PARL: variants seen among roughly 807,000 people sequenced by gnomAD.
PARL encodes the protein presenilin associated rhomboid like, also known as presenilin-associated rhomboid-like protein, mitochondrial.
PARL carries 44 observed loss-of-function variants against 51.6 expected under a neutral mutation model. That is an observed-to-expected ratio of 0.85 (90% CI 0.67 to 1.10). The LOEUF is 1.10. Among genes scored for constraint, PARL ranks in the 50% least tolerant of loss-of-function variants. PARL has a pLI of 0.00. For synonymous variants in PARL, 172 were observed against 164.0 expected (o/e 1.05, Z -0.37); for missense variants, 441 against 469.5 (o/e 0.94, Z 0.56).
intron 9 of PARL, 145 bp downstream of exon 9, chr3:183,833,347 C>A: frequency 1.4e-6 from 1 of 700,644 alleles, no homozygotes; most frequent in Non-Finnish European, 2.6e-6. Flanking sequence ...TTGAGGTTTC[C>A]TCACCCTCCC....
Position 183,854,693 on chromosome 3 carries a change from C to T in PARL, c.511+8060G>A, listed in dbSNP as rs560345616. On this transcript the variant is annotated intron_variant, in intron 4 of 9. Coordinates refer to ENST00000317096, the MANE Select transcript of PARL (RefSeq NM_018622.7). ...TGTGAATATACTGAACTCTACTGAA[C>T]TATATGCTTAAAAATGATTAAGATG... 2.7e-5 allele frequency among the ~76,000 whole-genome samples: 4 copies of T among 145,526 alleles called. No individual in the cohort carries two copies. In the East Asian group the frequency reaches 8.0e-4, roughly 29 times the overall value.
At chr3:183,836,210 T>G (rs916973624) in intron 7 of PARL, among the ~76,000 whole-genome samples, 2 of 65,358 alleles carry the variant, frequency 3.1e-5, no homozygotes, top group Non-Finnish European at 5.1e-5. Context: ...AGAACGAAAC[T>G]CCATCTCAAA....
downstream of PARL, among the ~76,000 whole-genome samples, chr3:183,826,992 C>A (rs1187633207): frequency 6.6e-6 from 1 of 152,096 alleles, no homozygotes; most frequent in African/African-American, 2.4e-5. Context: ...ATTGAACTGA[C>A]AAGGCCAGGT....
chr3:183,869,998 C>A (rs1217644019), intron 1 of PARL, among the ~76,000 whole-genome samples: 1 of 151,708 alleles, frequency 6.6e-6, no homozygotes, highest in Non-Finnish European at 1.5e-5. Context: ...AGGCTGGGGG[C>A]CGGGCACAGT....
At chr3:183,826,707 C>T (rs149990913), downstream of PARL, 309 of 985,312 alleles carry the variant, frequency 3.1e-4, 4 homozygotes, top group East Asian at 0.024. Context: ...AGGCAGCAGG[C>T]GAGGCGCCAG....
chr3:183,882,629 AT>A (rs1000218406), intron 1 of PARL, among the ~76,000 whole-genome samples: 8 of 151,908 alleles, frequency 5.3e-5, no homozygotes, highest in African/African-American at 7.3e-5. Context: ...CCCAAATAAG[AT>A]TTTTTTCCCC....
At position 183,829,582 on chromosome 3, in the gene PARL, C is replaced by T; in HGVS notation, c.*16G>A. The stretch of plus-strand genomic sequence containing the variant: ...GCGGCAAGGACCAGATGCACCACTA[C>T]TGTCCAATCCCAGTTTTACTTAGAG... On this transcript the variant is annotated 3_prime_UTR_variant, in exon 10 of 10. Coordinates refer to ENST00000317096, the MANE Select transcript of PARL (RefSeq NM_018622.7). The T allele has an allele frequency of 6.2e-7, 1 of 1,614,250 alleles. No homozygotes were observed. Among genetic ancestry groups the T allele is most frequent in the South Asian group, 1.1e-5 (1 of 91,086 alleles).
At position 183,882,630 on chromosome 3, in the gene PARL, T is replaced by C. The variant is rs571702978; in HGVS notation, c.125+2092A>G. 2.4e-4 allele frequency among the ~76,000 whole-genome samples: 37 copies of C among 152,222 alleles called. No individual in the cohort carries two copies. The East Asian group carries it at 6.8e-3, about 28-fold the overall frequency. ...AAGTTTACAAGGAGCCCAAATAAGA[T>C]TTTTTTCCCCTTTTGTGTAAAAGGC... On this transcript the variant is annotated intron_variant, in intron 1 of 9. Coordinates refer to ENST00000317096, the MANE Select transcript of PARL (RefSeq NM_018622.7).
intron 4 of PARL, among the ~76,000 whole-genome samples, chr3:183,862,405 C>A (rs1441878453): frequency 6.6e-6 from 1 of 152,104 alleles, no homozygotes; most frequent in Non-Finnish European, 1.5e-5. Context: ...CAAGTAGGGA[C>A]AGAATGTGTA....
chr3:183,833,414 G>A, intron 9 of PARL, 78 bp downstream of exon 9: 2 of 868,424 alleles, frequency 2.3e-6, no homozygotes, highest in South Asian at 2.7e-5. Flanking sequence ...ATGGGGATGG[G>A]GGGTAGGGGT....
rs71963110 is a variant in PARL at position 183,882,245 on chromosome 3, T to TTA, written c.125+2475_125+2476dup. Among the ~76,000 whole-genome samples the TTA allele has an allele frequency of 9.8e-3, 287 of 29,302 alleles. 7 individuals are homozygous for TTA. The highest frequency in any genetic ancestry group is 0.056 in the Middle Eastern group (3 of 54). The allele number at this position is 29,302 out of a possible 152,430, so 19.2% of individuals were successfully genotyped here. ...AAAATATATATATATATATATATAT[T>TTA]TATATATATATATATATATATATTT... On this transcript the variant is annotated intron_variant, in intron 1 of 9. Transcript: ENST00000317096.
At chr3:183,834,471 T>C (rs1467107848) in intron 7 of PARL, among the ~76,000 whole-genome samples, 1 of 152,180 alleles carries the variant, frequency 6.6e-6, no homozygotes, top group Non-Finnish European at 1.5e-5. Context: ...AAAGTAATTA[T>C]ACAGAGTAAA....
At chr3:183,838,732 C>T (rs1198164841) in intron 7 of PARL, among the ~76,000 whole-genome samples, 2 of 152,196 alleles carry the variant, frequency 1.3e-5, no homozygotes, top group Non-Finnish European at 2.9e-5. Flanking sequence ...GATTCACCCC[C>T]ACTCTAACTC....
chr3:183,848,335 G>A lies in PARL; in HGVS notation c.512-4009C>T, dbSNP rs554969895. ...CCGCTCACTGAAAGCTCCGCCTCCC[G>A]GGTTCACACCATTCTCCTGCCTCAG... On this transcript the variant is annotated intron_variant, in intron 4 of 9. Transcript: ENST00000317096. 6.6e-5 allele frequency among the ~76,000 whole-genome samples: 10 copies of A among 152,228 alleles called. No homozygotes were observed. The South Asian group carries it at 1.9e-3, about 28-fold the overall frequency.
intron 1 of PARL, among the ~76,000 whole-genome samples, chr3:183,877,918 G>A (rs113474306): frequency 8.6e-5 from 13 of 152,016 alleles, no homozygotes; most frequent in African/African-American, 2.9e-4. Flanking sequence ...AGCCTCCTGA[G>A]TAGCTGGGAC....
Position 183,882,229 on chromosome 3 carries a change from ATATATATATATATATT to A in PARL, c.125+2477_125+2492del, listed in dbSNP as rs1433353765. On this transcript the variant is annotated intron_variant, in intron 1 of 9. Coordinates refer to ENST00000317096, the MANE Select transcript of PARL (RefSeq NM_018622.7). ...TAAAAAAAAAAAAAAAAAAATATATATATATATATATATATTTATATATATATATATATATATATTT... is the reference window on the plus strand; with the variant it reads ...TAAAAAAAAAAAAAAAAAAATATATATATATATATATATATATATATATTT... Among the ~76,000 whole-genome samples the A allele has an allele frequency of 7.8e-3, 215 of 27,682 alleles. 10 individuals carry two copies. Among genetic ancestry groups the A allele is most frequent in the African/African-American group, 0.025 (183 of 7,466 alleles). The allele number at this position is 27,682 out of a possible 152,430, so 18.2% of individuals were successfully genotyped here.
At chr3:183,865,254 G>A (rs992530601) in intron 3 of PARL, among the ~76,000 whole-genome samples, 8 of 152,188 alleles carry the variant, frequency 5.3e-5, no homozygotes, top group African/African-American at 1.9e-4. Context: ...GCTTCAGTGA[G>A]CTATGATCCC....
chr3:183,865,607 T>A (rs1420655051), intron 3 of PARL, among the ~76,000 whole-genome samples: 1 of 152,156 alleles, frequency 6.6e-6, no homozygotes, highest in African/African-American at 2.4e-5. Context: ...TATGAGAATC[T>A]AATGCCTGAT....
intron 4 of PARL, among the ~76,000 whole-genome samples, chr3:183,849,759 A>C (rs1730348381): frequency 6.6e-6 from 1 of 152,156 alleles, no homozygotes; most frequent in Non-Finnish European, 1.5e-5. Flanking sequence ...AGAAAAAAAG[A>C]CTCAAATTAC....
Sources: allele counts gnomAD v4.1 joint callset (sites outside exome capture counted in the v4.1 genomes callset), GRCh38; gene constraint gnomAD v4.1.1; transcripts MANE v1.5; gene names NCBI Gene and HGNC (gene_info 2026-07-23, HGNC 2026-07-21).